Variants in CUEDC1 observed in about 807,000 individuals in gnomAD.
CUEDC1 encodes the protein CUE domain containing 1, also known as CUE domain-containing protein 1.
In CUEDC1, 30 loss-of-function variants were observed where a neutral mutation model predicts 43.7. That is an observed-to-expected ratio of 0.69 (90% CI 0.51 to 0.93). The LOEUF (loss-of-function observed/expected upper bound fraction) is 0.93, where lower values mean the gene tolerates loss of function less well. Ranked by LOEUF, CUEDC1 falls within the 40% of genes least tolerant of loss-of-function variation. The pLI is 0.00. For synonymous variants in CUEDC1, 223 were observed against 223.6 expected (o/e 1.00, Z 0.02); for missense variants, 486 against 549.0 (o/e 0.89, Z 1.15).
chr17:57,881,239 A>G (rs939782580), intron 2 of CUEDC1, among the ~76,000 whole-genome samples: 1 of 152,206 alleles, frequency 6.6e-6, no homozygotes, highest in Non-Finnish European at 1.5e-5. Flanking sequence ...CTGCGCTTAC[A>G]TAGCTAGCTA....
chr17:57,919,501 G>T (rs2074679013), intron 1 of CUEDC1, among the ~76,000 whole-genome samples: 2 of 152,110 alleles, frequency 1.3e-5, no homozygotes, highest in Non-Finnish European at 2.9e-5. Flanking sequence ...TATATGAGGG[G>T]ATACACAGTT....
At chr17:57,866,872 T>C (rs545167872) in intron 9 of CUEDC1, 4 of 385,838 alleles carry the variant, frequency 1.0e-5, no homozygotes, top group Middle Eastern at 7.6e-4. Flanking sequence ...TGTTTCTGGA[T>C]GCCTCCTGAC....
intron 1 of CUEDC1, among the ~76,000 whole-genome samples, chr17:57,904,653 G>A (rs2074509002): frequency 6.6e-6 from 1 of 152,188 alleles, no homozygotes; most frequent in Non-Finnish European, 1.5e-5. Context: ...TGCACTTCAG[G>A]AGAGCTTAAC....
intron 2 of CUEDC1, among the ~76,000 whole-genome samples, chr17:57,881,846 C>T (rs935465424): frequency 5.9e-5 from 9 of 152,162 alleles, no homozygotes; most frequent in African/African-American, 2.2e-4. Context: ...TTCATCAGAG[C>T]CTCCTGGAGA....
intron 1 of CUEDC1, among the ~76,000 whole-genome samples, chr17:57,938,906 C>G (rs1489415800): frequency 6.6e-6 from 1 of 151,132 alleles, no homozygotes; most frequent in Non-Finnish European, 1.5e-5. Context: ...AGGTGATCTG[C>G]CTGCCTCAGC....
intron 1 of CUEDC1, among the ~76,000 whole-genome samples, chr17:57,949,532 C>T (rs1287078409): frequency 6.6e-6 from 1 of 150,968 alleles, no homozygotes; most frequent in Non-Finnish European, 1.5e-5. Flanking sequence ...ACCACGACCA[C>T]CCCCGAGCTC....
At chr17:57,872,536 G>C in intron 5 of CUEDC1, 127 bp downstream of exon 5, 1 of 1,035,820 alleles carries the variant, frequency 9.7e-7, no homozygotes. Context: ...TGGGAGTCAT[G>C]CCTCAATAGG....
chr17:57,884,192 CTTTT>C (rs780667346), intron 2 of CUEDC1, among the ~76,000 whole-genome samples: 304 of 81,342 alleles, frequency 3.7e-3, no homozygotes, highest in African/African-American at 0.013. Flanking sequence ...TTTTTCTTTT[CTTTT>C]TTTTTTTTTT....
intron 2 of CUEDC1, among the ~76,000 whole-genome samples, chr17:57,881,421 G>A (rs1422128083): frequency 3.3e-5 from 5 of 152,230 alleles, no homozygotes; most frequent in Admixed American, 2.0e-4. Flanking sequence ...CACTGTAAGC[G>A]CTGCTCCTGT....
chr17:57,905,284 A>ACACACACACACACACACACACACC (rs2074518982), intron 1 of CUEDC1, among the ~76,000 whole-genome samples: 1 of 151,296 alleles, frequency 6.6e-6, no homozygotes, highest in Admixed American at 6.6e-5. Context: ...ACACACACAC[A>ACACACACACACACACACACACACC]CACACACTCC....
intron 1 of CUEDC1, chr17:57,914,991 A>G (rs994533013): frequency 1.3e-5 from 2 of 152,192 alleles, no homozygotes; most frequent in African/African-American, 4.8e-5. Context: ...TGAGGCAGCT[A>G]CTATTCTCCT....
At chr17:57,924,530 C>T (rs1341564873) in intron 1 of CUEDC1, among the ~76,000 whole-genome samples, 4 of 152,158 alleles carry the variant, frequency 2.6e-5, no homozygotes, top group Non-Finnish European at 4.4e-5. Flanking sequence ...GTGTCTATCC[C>T]GTGTGTTGCG....
intron 1 of CUEDC1, among the ~76,000 whole-genome samples, chr17:57,905,249 G>C (rs866266984): frequency 1.6e-3 from 207 of 127,992 alleles, no homozygotes; most frequent in East Asian, 4.3e-3. Context: ...CTCTCTCTCT[G>C]ACACACACAC....
intron 1 of CUEDC1, among the ~76,000 whole-genome samples, chr17:57,895,176 T>C (rs1362589158): frequency 1.3e-5 from 2 of 152,168 alleles, no homozygotes; most frequent in African/African-American, 4.8e-5. Flanking sequence ...CACTTCATAG[T>C]AGAAAAATGA....
intron 1 of CUEDC1, among the ~76,000 whole-genome samples, chr17:57,935,406 A>ACACACACAAACAC (rs2074851488): frequency 1.3e-5 from 1 of 77,012 alleles, no homozygotes; most frequent in Non-Finnish European, 3.4e-5. Flanking sequence ...CACACACACA[A>ACACACACAAACAC]ACACACACAC....
intron 8 of CUEDC1, chr17:57,867,664 T>A (rs2073979595): frequency 3.5e-6 from 2 of 575,466 alleles, no homozygotes; most frequent in Non-Finnish European, 6.3e-6. Context: ...TGTTTCCCTC[T>A]GGCTGCTGAG....
At chr17:57,924,296 G>A (rs62081768) in intron 1 of CUEDC1, among the ~76,000 whole-genome samples, 16,442 of 152,162 alleles carry the variant, frequency 0.11, 995 homozygotes, top group Non-Finnish European at 0.14. Flanking sequence ...AGTAGAGACA[G>A]GGTTTCACCA....
intron 5 of CUEDC1, 82 bp from the exon 6 acceptor site, chr17:57,871,451 G>A (rs1459185792): frequency 2.6e-6 from 3 of 1,144,056 alleles, no homozygotes; most frequent in Non-Finnish European, 3.9e-6. Flanking sequence ...ACGGTAGTTT[G>A]CTAGAGGCTA....
At position 57,954,701 on chromosome 17, in the gene CUEDC1, G is replaced by C. The variant is rs1444411310; in HGVS notation, c.-316+524C>G. On this transcript the variant is annotated intron_variant, in intron 1 of 10. Coordinates refer to ENST00000577830, the MANE Select transcript of CUEDC1 (RefSeq NM_001271875.2). The surrounding 1 kb of genome is among the most constrained non-coding windows in gnomAD (Gnocchi z 4.3). ...CTGAGCCGACCTGTGACATCGGCGG[G>C]GGGCAGGAAGCGAAGCTCCCCTCCC... Among the ~76,000 whole-genome samples, 1 of 152,122 alleles carries C rather than the reference G, an allele frequency of 6.6e-6. No individual in the cohort carries two copies. Among genetic ancestry groups the C allele is most frequent in the African/African-American group, 2.4e-5 (1 of 41,442 alleles).
Sources: gnomAD v4.1 joint callset for allele counts (sites outside exome capture counted in the v4.1 genomes callset) on GRCh38, gnomAD v4.1.1 for gene constraint, Gnocchi (gnomAD v3.1) non-coding constraint, MANE v1.5 for transcripts, NCBI Gene and HGNC (gene_info 2026-07-23, HGNC 2026-07-21) for gene names.